The following GRIA1 variants were observed in gnomAD, a reference collection of about 807,000 sequenced individuals.
The protein encoded by GRIA1 is glutamate receptor 1.
GRIA1 carries 31 observed loss-of-function variants against 99.2 expected under a neutral mutation model. The ratio of observed to expected loss-of-function variants is 0.31; its 90% CI spans 0.23 to 0.42. GRIA1 has a LOEUF of 0.42. GRIA1 is among the 10% of genes least tolerant of loss of function. The pLI is 1.00. For missense variants in GRIA1, 782 were observed against 1,157.5 expected (o/e 0.68, Z 4.71); for synonymous variants, 438 against 432.4 (o/e 1.01, Z -0.16).
At position 153,688,443 on chromosome 5, in the gene GRIA1, A is replaced by G. The variant is rs990547801; in HGVS notation, c.1134+2114A>G. Among the ~76,000 whole-genome samples, 20 of 152,222 alleles carry G rather than the reference A, an allele frequency of 1.3e-4. 1 individual carries two copies. The highest frequency in any genetic ancestry group is 1.5e-5 in the Non-Finnish European group (1 of 68,048). ...TGCTGGAGAAGACATTTGCTAGGTC[A>G]CTTAGCTCTTATAACTTTCAATTTC... On this transcript the variant is annotated intron_variant, in intron 8 of 15. Transcript: ENST00000285900.
chr5:153,700,715 C>T (rs1392486228), intron 10 of GRIA1, among the ~76,000 whole-genome samples: 1 of 152,138 alleles, frequency 6.6e-6, no homozygotes, highest in African/African-American at 2.4e-5. Context: ...ACATGCCAAG[C>T]CCCAGGTCAA....
chr5:153,763,270 C>A (rs1763299764), intron 11 of GRIA1, among the ~76,000 whole-genome samples: 1 of 152,172 alleles, frequency 6.6e-6, no homozygotes, highest in Admixed American at 6.5e-5. Flanking sequence ...CAGTGTGGAA[C>A]AACAGAGCAG....
chr5:153,744,376 C>A (rs1334729613), intron 11 of GRIA1, among the ~76,000 whole-genome samples: 1 of 152,166 alleles, frequency 6.6e-6, no homozygotes, highest in African/African-American at 2.4e-5. Flanking sequence ...TCTGAGGAAA[C>A]ATGATTTAAT....
At chr5:153,749,456 G>A (rs1023720962) in intron 11 of GRIA1, among the ~76,000 whole-genome samples, 1 of 152,142 alleles carries the variant, frequency 6.6e-6, no homozygotes, top group Admixed American at 6.5e-5. Flanking sequence ...TCTGATGAGG[G>A]CCTCAGGCTG....
intron 4 of GRIA1, among the ~76,000 whole-genome samples, chr5:153,650,926 C>G (rs1754527897): frequency 1.1e-5 from 1 of 87,468 alleles, no homozygotes; most frequent in Non-Finnish European, 3.1e-5. Context: ...AAAAAATTAG[C>G]TTGGTGTCGT....
chr5:153,505,299 G>C (rs778174814), intron 2 of GRIA1, among the ~76,000 whole-genome samples: 1 of 152,152 alleles, frequency 6.6e-6, no homozygotes, highest in Non-Finnish European at 1.5e-5. Flanking sequence ...GTGGAGCATC[G>C]TGGTAGATGA....
chr5:153,701,113 C>T (rs1231946199), intron 10 of GRIA1, among the ~76,000 whole-genome samples: 1 of 152,210 alleles, frequency 6.6e-6, no homozygotes. Context: ...CATTTATCTT[C>T]ACCTTCACCT....
intron 2 of GRIA1, among the ~76,000 whole-genome samples, chr5:153,510,945 G>A (rs1184314618): frequency 6.6e-6 from 1 of 152,158 alleles, no homozygotes; most frequent in Non-Finnish European, 1.5e-5. Context: ...GGGGTGATGA[G>A]GGAAGGTTGC....
Position 153,647,031 on chromosome 5 carries a change from C to G in GRIA1, c.324C>G (p.Phe108Leu). The change falls in exon 3 of 16, where the codon TTC (phenylalanine) becomes TTG (leucine). Residue 108 changes from phenylalanine to leucine, a missense_variant. Coordinates refer to ENST00000285900, the MANE Select transcript of GRIA1 (RefSeq NM_000827.4). The stretch of plus-strand genomic sequence containing the variant: ...TTTGTGGGGCCCTCCACGTCTGCTT[C>G]ATTACGCCGAGCTTTCCCGTTGATA... ...TSFCGALHVC[F>L]ITPSFPVDTS... 6.2e-7 allele frequency: 1 copy of G among 1,614,034 alleles called. No homozygotes were observed. The highest frequency in any genetic ancestry group is 8.5e-7 in the Non-Finnish European group (1 of 1,179,924).
At chr5:153,699,293 C>T (rs1466795347) in intron 10 of GRIA1, among the ~76,000 whole-genome samples, 1 of 152,176 alleles carries the variant, frequency 6.6e-6, no homozygotes, top group Non-Finnish European at 1.5e-5. Context: ...AGTCTTGTGA[C>T]GTCAGTTGAT....
chr5:153,589,797 A>G (rs1429040520), intron 2 of GRIA1, among the ~76,000 whole-genome samples: 1 of 152,192 alleles, frequency 6.6e-6, no homozygotes, highest in African/African-American at 2.4e-5. Context: ...AATGCATAGT[A>G]AAATAATGCT....
chr5:153,494,259 A>G (rs898467109), intron 2 of GRIA1, 194 bp downstream of exon 2: 2 of 575,806 alleles, frequency 3.5e-6, no homozygotes, highest in Non-Finnish European at 6.1e-6. Context: ...GCAATGCTTC[A>G]TGTAATGGAT....
At chr5:153,631,715 T>A (rs981192001) in intron 2 of GRIA1, among the ~76,000 whole-genome samples, 4 of 152,286 alleles carry the variant, frequency 2.6e-5, no homozygotes, top group South Asian at 2.1e-4. Flanking sequence ...GTATATTTTT[T>A]AAATAATCTA....
intron 11 of GRIA1, among the ~76,000 whole-genome samples, chr5:153,743,703 C>T (rs72804603): frequency 0.018 from 2,668 of 152,258 alleles, 39 homozygotes; most frequent in Non-Finnish European, 0.027. Flanking sequence ...AGATTAGGTA[C>T]GCCCAGATAA....
chr5:153,606,622 G>T (rs1163136810), intron 2 of GRIA1, among the ~76,000 whole-genome samples: 1 of 151,626 alleles, frequency 6.6e-6, no homozygotes, highest in Admixed American at 6.6e-5. Context: ...GATTTATTTT[G>T]TAGGTATTCA....
chr5:153,572,677 G>A (rs1410778533), intron 2 of GRIA1, among the ~76,000 whole-genome samples: 1 of 152,154 alleles, frequency 6.6e-6, no homozygotes, highest in African/African-American at 2.4e-5. Context: ...CTTATTGCAT[G>A]ATTTCATGGT....
chr5:153,574,466 T>C (rs1046913957), intron 2 of GRIA1: 1 of 152,154 alleles, frequency 6.6e-6, no homozygotes, highest in African/African-American at 2.4e-5. Context: ...TTTTTAACTT[T>C]AATGCAAAAA....
At chr5:153,738,909 A>G (rs775115833) in intron 11 of GRIA1, among the ~76,000 whole-genome samples, 89 of 151,548 alleles carry the variant, frequency 5.9e-4, no homozygotes, top group Non-Finnish European at 1.1e-3. Context: ...TTTAGTAGAG[A>G]CGGGGTTTTA....
At chr5:153,589,691 G>T (rs1025711927) in intron 2 of GRIA1, among the ~76,000 whole-genome samples, 1 of 152,090 alleles carries the variant, frequency 6.6e-6, no homozygotes, top group Admixed American at 6.5e-5. Flanking sequence ...GAGTCCTTGC[G>T]TGCATCTGCA....
Sources: gnomAD v4.1 joint callset for allele counts (sites outside exome capture counted in the v4.1 genomes callset) on GRCh38, gnomAD v4.1.1 for gene constraint, MANE v1.5 for transcripts, NCBI Gene and HGNC (gene_info 2026-07-23, HGNC 2026-07-21) for gene names.